ANK3: variants seen among roughly 807,000 people sequenced by gnomAD.
ANK3 encodes the protein ankyrin 3, also known as ankyrin-3.
ANK3 carries 57 observed loss-of-function variants against 370.9 expected under a neutral mutation model. The observed-to-expected ratio is 0.15, with a 90% CI of 0.12 to 0.19. The LOEUF (loss-of-function observed/expected upper bound fraction) is 0.19. Among genes scored for constraint, ANK3 ranks in the 10% least tolerant of loss-of-function variants. The pLI is 1.00. For missense variants in ANK3, 4,439 were observed against 5,302.1 expected (o/e 0.84, Z 5.06); for synonymous variants, 1,929 against 1,946.3 (o/e 0.99, Z 0.23).
chr10:60,507,490 T>C (rs550828877), intron 2 of ANK3: 18 of 152,202 alleles, frequency 1.2e-4, no homozygotes, highest in Non-Finnish European at 1.6e-4. Flanking sequence ...CCAGGTACTA[T>C]CTAAGTATGC....
intron 18 of ANK3, among the ~76,000 whole-genome samples, chr10:60,173,471 C>T (rs1458862805): frequency 6.6e-6 from 1 of 152,160 alleles, no homozygotes; most frequent in East Asian, 1.9e-4. Context: ...AAAGATGGAA[C>T]AACTGACAGC....
chr10:60,377,790 A>G (rs1426949806), intron 1 of ANK3, among the ~76,000 whole-genome samples: 3 of 152,210 alleles, frequency 2.0e-5, no homozygotes, highest in Non-Finnish European at 4.4e-5. Context: ...TTTATCAGTA[A>G]TAGTGATAAA....
At chr10:60,654,102 T>C (rs191933435) in intron 1 of ANK3, among the ~76,000 whole-genome samples, 20 of 152,330 alleles carry the variant, frequency 1.3e-4, no homozygotes, top group Admixed American at 1.2e-3. Context: ...GAATCTGTTT[T>C]TGTATTTTAT....
chr10:60,125,478 T>C (rs2093708990), intron 25 of ANK3, among the ~76,000 whole-genome samples: 1 of 152,218 alleles, frequency 6.6e-6, no homozygotes, highest in Non-Finnish European at 1.5e-5. Flanking sequence ...ACCTGAATAA[T>C]GCTGGCAAAG....
intron 2 of ANK3, among the ~76,000 whole-genome samples, chr10:60,556,928 T>A (rs2077220076): frequency 6.6e-6 from 1 of 152,202 alleles, no homozygotes; most frequent in South Asian, 2.1e-4. Context: ...CATAGGAGCA[T>A]GAGCCCTGTT....
intron 2 of ANK3, among the ~76,000 whole-genome samples, chr10:60,417,159 AG>A (rs1435634622): frequency 2.0e-5 from 3 of 152,198 alleles, no homozygotes; most frequent in Admixed American, 1.3e-4. Context: ...GACAAGAAAA[AG>A]TTTGAGATTA....
chr10:60,135,084 T>C (rs1244469542), intron 24 of ANK3, among the ~76,000 whole-genome samples: 3 of 152,228 alleles, frequency 2.0e-5, no homozygotes, highest in Non-Finnish European at 2.9e-5. Flanking sequence ...GATGCCCTGA[T>C]ATGCCATCAT....
At chr10:60,336,152 G>T (rs972255924) in intron 1 of ANK3, among the ~76,000 whole-genome samples, 1 of 152,058 alleles carries the variant, frequency 6.6e-6, no homozygotes, top group Non-Finnish European at 1.5e-5. Flanking sequence ...TTGGGGAGTC[G>T]AGGCCAAACT....
chr10:60,644,729 T>C (rs1271785788), intron 1 of ANK3, among the ~76,000 whole-genome samples: 1 of 151,692 alleles, frequency 6.6e-6, no homozygotes, highest in Non-Finnish European at 1.5e-5. Context: ...ATCACGTATC[T>C]TACAGAAAAG....
At chr10:60,605,628 G>A (rs1004049177) in intron 2 of ANK3, among the ~76,000 whole-genome samples, 1 of 152,104 alleles carries the variant, frequency 6.6e-6, no homozygotes, top group Non-Finnish European at 1.5e-5. Context: ...TTCTTACAAG[G>A]AAACTATGTG....
chr10:60,670,526 G>A lies in ANK3; in HGVS notation c.58-55302C>T, dbSNP rs141220832. Among the ~76,000 whole-genome samples, 641 of 152,140 alleles carry A rather than the reference G, an allele frequency of 4.2e-3. 1 individual carries two copies. Among genetic ancestry groups the A allele is most frequent in the Non-Finnish European group, 5.9e-3 (404 of 68,004 alleles). On this transcript the variant is annotated intron_variant, in intron 1 of 43. Transcript: ENST00000373827. ...ATCTAACTTTTGGATTACTGCAATA[G>A]GTTTCTCACTGGCCTCCCTGCTTCC...
rs148419784 is a variant in ANK3 at position 60,298,029 on chromosome 10, C to T, written c.115-18390G>A. On this transcript the variant is annotated intron_variant, in intron 1 of 43. Transcript: ENST00000280772. ...ATATATATATAACATAGGAAACATC[C>T]AAATTCAAAGATTTTCTATTTGGCA... Among the ~76,000 whole-genome samples the T allele has an allele frequency of 6.0e-3, 917 of 152,124 alleles. 10 individuals carry two copies. Among genetic ancestry groups the T allele is most frequent in the Middle Eastern group, 0.017 (5 of 294 alleles).
chr10:60,088,837 A>C lies in ANK3; in HGVS notation c.3329-479T>G, dbSNP rs1024127769. ...TATTGGGTTTTGCAAAAATATTATA[A>C]AACTATTAATATAAGTATTTGTAGA... On this transcript the variant is annotated intron_variant, in intron 28 of 43. Transcript: ENST00000280772. Among the ~76,000 whole-genome samples, 6 of 152,304 alleles carry C rather than the reference A, an allele frequency of 3.9e-5. No homozygotes were observed. In the East Asian group the frequency reaches 1.2e-3, roughly 29 times the overall value.
intron 18 of ANK3, among the ~76,000 whole-genome samples, chr10:60,180,767 G>A (rs775922771): frequency 2.0e-5 from 3 of 151,784 alleles, no homozygotes; most frequent in Non-Finnish European, 4.4e-5. Context: ...TATTTTGTGT[G>A]TGTGTTTGAG....
intron 1 of ANK3, among the ~76,000 whole-genome samples, chr10:60,641,062 T>C (rs1450392762): frequency 6.0e-5 from 9 of 150,426 alleles, no homozygotes; most frequent in Admixed American, 2.7e-4. Flanking sequence ...ACCTAGGAAT[T>C]CAACTTACAA....
At chr10:60,051,668 T>G (rs1476573586) in intron 42 of ANK3, 1 of 396,916 alleles carries the variant, frequency 2.5e-6, no homozygotes, top group African/African-American at 2.2e-5. Context: ...TTTCTTCTTT[T>G]TTTTTTTTTT....
Position 60,075,817 on chromosome 10 carries a change from G to A in ANK3, c.5064C>T (p.Val1688=). ...VVSPVKSAVD[V]ISSAKITMAS... ...CCATTGTAATTTTGGCTGATGAAAT[G>A]ACATCAACTGCTGATTTAACTGGAG... Residue 1688 remains valine (V), a synonymous_variant, in exon 37 of 44, where the codon GTC becomes GTT. Coordinates refer to ENST00000280772, the MANE Select transcript of ANK3 (RefSeq NM_020987.5). 3.7e-6 allele frequency: 6 copies of A among 1,614,174 alleles called. No homozygotes were observed. The highest frequency in any genetic ancestry group is 5.1e-6 in the Non-Finnish European group (6 of 1,180,008).
At position 60,276,052 on chromosome 10, in the gene ANK3, AG is replaced by A. The variant is rs2098086131; in HGVS notation, c.414+2721del. Among the ~76,000 whole-genome samples, 5 of 151,886 alleles carry A rather than the reference AG, an allele frequency of 3.3e-5. No individual in the cohort carries two copies. The South Asian group carries it at 1.0e-3, about 31-fold the overall frequency. On this transcript the variant is annotated intron_variant, in intron 4 of 43. Transcript: ENST00000280772. ...GATTACTGGAATGTTAAGTACTAAAAGAAAGAGTTAACTTGTTAAGACCTAA... is the reference window on the plus strand; with the variant it reads ...GATTACTGGAATGTTAAGTACTAAAAAAAGAGTTAACTTGTTAAGACCTAA...
At chr10:60,237,913 GA>G (rs2097359278) in intron 7 of ANK3, among the ~76,000 whole-genome samples, 1 of 152,206 alleles carries the variant, frequency 6.6e-6, no homozygotes, top group Admixed American at 6.5e-5. Flanking sequence ...GTAATTTGCA[GA>G]TTAAGAAACA....
Sources: gnomAD v4.1 joint callset for allele counts (sites outside exome capture counted in the v4.1 genomes callset) on GRCh38, gnomAD v4.1.1 for gene constraint, MANE v1.5 for transcripts, NCBI Gene and HGNC (gene_info 2026-07-23, HGNC 2026-07-21) for gene names.